TTC28: variants seen among roughly 807,000 people sequenced by gnomAD.
TTC28 encodes the protein tetratricopeptide repeat protein 28.
TTC28 carries 61 observed loss-of-function variants against 198.0 expected under a neutral mutation model. The observed-to-expected ratio is 0.31, with a 90% CI of 0.25 to 0.38. The LOEUF (loss-of-function observed/expected upper bound fraction) is 0.38. Among genes scored for constraint, TTC28 ranks in the 10% least tolerant of loss-of-function variants. The pLI, the probability that TTC28 is intolerant of heterozygous loss-of-function variation, is 1.00. For missense variants in TTC28, 2,678 were observed against 3,164.0 expected (o/e 0.85, Z 3.69); for synonymous variants, 1,171 against 1,297.8 (o/e 0.90, Z 2.10).
At chr22:28,385,940 T>G (rs1036061307) in intron 2 of TTC28, among the ~76,000 whole-genome samples, 6 of 152,202 alleles carry the variant, frequency 3.9e-5, no homozygotes, top group African/African-American at 1.4e-4. Flanking sequence ...TGCCAAAATC[T>G]TCCAAACTTT....
intron 2 of TTC28, among the ~76,000 whole-genome samples, chr22:28,424,560 A>G (rs1426717129): frequency 2.6e-5 from 4 of 152,206 alleles, no homozygotes; most frequent in Admixed American, 2.6e-4. Flanking sequence ...CATAGTATAA[A>G]TATAATAACA....
chr22:28,268,393 A>C (rs988544482), intron 5 of TTC28, among the ~76,000 whole-genome samples: 4 of 152,346 alleles, frequency 2.6e-5, no homozygotes, highest in African/African-American at 9.6e-5. Context: ...TAAAAGACTG[A>C]TTCATGAGGT....
At chr22:28,075,903 T>C (rs959513247) in intron 12 of TTC28, among the ~76,000 whole-genome samples, 7 of 152,178 alleles carry the variant, frequency 4.6e-5, no homozygotes, top group Non-Finnish European at 8.8e-5. Flanking sequence ...TACACGTTTG[T>C]TGCATGCTCC....
chr22:28,223,173 G>C (rs994485786), intron 5 of TTC28, among the ~76,000 whole-genome samples: 1 of 152,108 alleles, frequency 6.6e-6, no homozygotes, highest in African/African-American at 2.4e-5. Context: ...CAGCATCCTG[G>C]CTTGTCTGCT....
chr22:28,186,144 G>A (rs114924376), intron 5 of TTC28, among the ~76,000 whole-genome samples: 416 of 152,096 alleles, frequency 2.7e-3, no homozygotes, highest in African/African-American at 9.7e-3. Context: ...TTAAGACTAA[G>A]GAAGAAAAAA....
chr22:28,157,002 A>G (rs908287412), intron 6 of TTC28, among the ~76,000 whole-genome samples: 1 of 152,184 alleles, frequency 6.6e-6, no homozygotes, highest in Non-Finnish European at 1.5e-5. Context: ...AGATAAATGA[A>G]ATAAAAGTTG....
At chr22:28,361,375 G>A (rs934558833) in intron 2 of TTC28, among the ~76,000 whole-genome samples, 1 of 152,126 alleles carries the variant, frequency 6.6e-6, no homozygotes, top group African/African-American at 2.4e-5. Context: ...GATATGGAGA[G>A]TTTTAGTGAT....
chr22:28,346,714 C>A (rs1389930815), intron 2 of TTC28, among the ~76,000 whole-genome samples: 1 of 152,126 alleles, frequency 6.6e-6, no homozygotes, highest in African/African-American at 2.4e-5. Flanking sequence ...AGACTCTTTA[C>A]ATTCAGACAA....
At chr22:28,215,399 A>G (rs2147189428) in intron 5 of TTC28, among the ~76,000 whole-genome samples, 1 of 152,292 alleles carries the variant, frequency 6.6e-6, no homozygotes, top group Admixed American at 6.5e-5. Context: ...ACACTATGAA[A>G]AGAAGGTAGA....
intron 13 of TTC28, 65 bp from the exon 14 acceptor site, chr22:28,014,457 C>A: frequency 6.8e-7 from 1 of 1,477,186 alleles, no homozygotes; most frequent in Non-Finnish European, 9.0e-7. Context: ...CACCCTGGCC[C>A]TCCAAGCCAT....
intron 1 of TTC28, among the ~76,000 whole-genome samples, chr22:28,663,356 G>A (rs1292870616): frequency 1.3e-5 from 2 of 151,482 alleles, no homozygotes; most frequent in African/African-American, 2.4e-5. Flanking sequence ...CACAGAAGAC[G>A]GGTGATTTCT....
At chr22:28,334,093 CAT>C (rs1316174637) in intron 2 of TTC28, among the ~76,000 whole-genome samples, 1 of 149,262 alleles carries the variant, frequency 6.7e-6, no homozygotes, top group Non-Finnish European at 1.5e-5. Flanking sequence ...TGAGTGACAA[CAT>C]AAGGTGTTTG....
At chr22:28,177,469 T>C (rs1229702028) in intron 5 of TTC28, among the ~76,000 whole-genome samples, 1 of 152,230 alleles carries the variant, frequency 6.6e-6, no homozygotes, top group Non-Finnish European at 1.5e-5. Flanking sequence ...AAACTCAACA[T>C]GGTCTTACCA....
intron 13 of TTC28, among the ~76,000 whole-genome samples, chr22:28,026,702 G>A (rs1361139162): frequency 6.6e-6 from 1 of 152,218 alleles, no homozygotes; most frequent in Admixed American, 6.5e-5. Context: ...AAGTTGCAGA[G>A]ACCTGAGGGT....
At chr22:28,616,569 C>G (rs2050908154) in intron 2 of TTC28, among the ~76,000 whole-genome samples, 2 of 152,148 alleles carry the variant, frequency 1.3e-5, no homozygotes, top group African/African-American at 2.4e-5. Flanking sequence ...TCTGTCATCA[C>G]AGACAGACAC....
intron 2 of TTC28, among the ~76,000 whole-genome samples, chr22:28,588,755 G>A (rs1212805509): frequency 6.6e-6 from 1 of 152,172 alleles, no homozygotes; most frequent in African/African-American, 2.4e-5. Context: ...CATGTCCACA[G>A]ACAGTCAATA....
chr22:28,048,089 T>G (rs1258416398), intron 12 of TTC28, among the ~76,000 whole-genome samples: 2 of 152,050 alleles, frequency 1.3e-5, no homozygotes, highest in Admixed American at 6.6e-5. Context: ...GGAGGTTTTT[T>G]TCTGCTTGGG....
intron 2 of TTC28, among the ~76,000 whole-genome samples, chr22:28,322,841 C>A (rs2045468847): frequency 6.6e-6 from 1 of 152,162 alleles, no homozygotes; most frequent in Non-Finnish European, 1.5e-5. Flanking sequence ...CCTTCTGGAT[C>A]CTCCAGAGAA....
At chr22:28,196,128 T>C (rs1925311577) in intron 5 of TTC28, among the ~76,000 whole-genome samples, 1 of 151,784 alleles carries the variant, frequency 6.6e-6, no homozygotes, top group Non-Finnish European at 1.5e-5. Flanking sequence ...TCAGAAATAA[T>C]GCCGCATATC....
Sources: allele counts gnomAD v4.1 joint callset (sites outside exome capture counted in the v4.1 genomes callset), GRCh38; gene constraint gnomAD v4.1.1; transcripts MANE v1.5; gene names NCBI Gene and HGNC (gene_info 2026-07-23, HGNC 2026-07-21).